TGFBR1: variants seen among roughly 807,000 people sequenced by gnomAD.
TGFBR1 encodes the protein transforming growth factor beta receptor 1, also known as TGF-beta receptor type-1.
A neutral mutation model predicts 55.1 loss-of-function variants in TGFBR1; 20 were observed. The ratio of observed to expected loss-of-function variants is 0.36; its 90% CI spans 0.26 to 0.53. TGFBR1 has a LOEUF of 0.53. TGFBR1 is among the 20% of genes least tolerant of loss of function. The probability of loss-of-function intolerance (pLI) is 0.91; values close to 1 mark genes in which losing one functional copy is unlikely to be tolerated. For synonymous variants in TGFBR1, 220 were observed against 214.8 expected (o/e 1.02, Z -0.21); for missense variants, 385 against 617.6 (o/e 0.62, Z 3.99).
At chr9:99,119,026 T>C (rs1235401633) in intron 1 of TGFBR1, among the ~76,000 whole-genome samples, 1 of 152,132 alleles carries the variant, frequency 6.6e-6, no homozygotes, top group Non-Finnish European at 1.5e-5. Context: ...ATCTCAATCC[T>C]AATTATCTCT....
At chr9:99,117,983 A>T (rs2118399179) in intron 1 of TGFBR1, among the ~76,000 whole-genome samples, 2 of 152,312 alleles carry the variant, frequency 1.3e-5, no homozygotes, top group Middle Eastern at 6.8e-3. Context: ...ATTTATAAAT[A>T]CATTTTAAAA....
intron 3 of TGFBR1, among the ~76,000 whole-genome samples, chr9:99,137,141 T>G (rs1827461523): frequency 6.6e-6 from 1 of 152,322 alleles, no homozygotes; most frequent in Non-Finnish European, 1.5e-5. Flanking sequence ...TTACTTAGCC[T>G]TGTTCTTCAA....
intron 1 of TGFBR1, among the ~76,000 whole-genome samples, chr9:99,123,722 A>G (rs565661825): frequency 6.6e-6 from 1 of 152,268 alleles, no homozygotes; most frequent in East Asian, 1.9e-4. Context: ...AATTGCCTAG[A>G]TGATATTCAA....
intron 1 of TGFBR1, among the ~76,000 whole-genome samples, chr9:99,114,050 C>G: frequency 6.6e-6 from 1 of 152,148 alleles, no homozygotes; most frequent in Admixed American, 6.5e-5. Flanking sequence ...CAAATATAGT[C>G]TAAATATCCC....
intron 2 of TGFBR1, among the ~76,000 whole-genome samples, chr9:99,130,951 T>C (rs1025934990): frequency 2.6e-5 from 4 of 152,114 alleles, no homozygotes; most frequent in African/African-American, 9.7e-5. Context: ...TTGGGACAAG[T>C]TTTAAGAAAC....
At chr9:99,110,834 A>C (rs1485131967) in intron 1 of TGFBR1, among the ~76,000 whole-genome samples, 2 of 152,242 alleles carry the variant, frequency 1.3e-5, no homozygotes, top group South Asian at 2.1e-4. Flanking sequence ...TTATGCTGTT[A>C]ATGAAAGGTG....
intron 1 of TGFBR1, among the ~76,000 whole-genome samples, chr9:99,126,963 A>G (rs1475534662): frequency 6.6e-6 from 1 of 152,202 alleles, no homozygotes; most frequent in Non-Finnish European, 1.5e-5. Flanking sequence ...CCAGCAACCA[A>G]GAAACAGCTA....
At chr9:99,129,905 A>G (rs1827167628) in intron 2 of TGFBR1, among the ~76,000 whole-genome samples, 1 of 152,158 alleles carries the variant, frequency 6.6e-6, no homozygotes, top group Admixed American at 6.5e-5. Flanking sequence ...TCTAAAAAAA[A>G]AAGATAATAA....
Position 99,105,129 on chromosome 9 carries a change from G to A in TGFBR1, c.-77G>A. On this transcript the variant is annotated 5_prime_UTR_variant, in exon 1 of 9. Transcript: ENST00000374994. ...GGCCGCCGCGGCGGCTAGGGAGGTG[G>A]GGCGAGGCGAGGTTTGCTGGGGTGA... The A allele has an allele frequency of 9.5e-7, 1 of 1,048,338 alleles. No individual in the cohort carries two copies. The highest frequency in any genetic ancestry group is 1.2e-6 in the Non-Finnish European group (1 of 863,816). The allele number at this position is 1,048,338 out of a possible 1,614,324, so 64.9% of individuals were successfully genotyped here. A position where few individuals can be genotyped will look rare whatever the true frequency, so the allele number is the denominator to read the frequency against.
chr9:99,109,694 C>G (rs1403360982), intron 1 of TGFBR1, among the ~76,000 whole-genome samples: 1 of 152,208 alleles, frequency 6.6e-6, no homozygotes, highest in Non-Finnish European at 1.5e-5. Context: ...TGCAGTTCTT[C>G]CTTGGTCATG....
chr9:99,134,838 ATATATATATATAT>A lies in TGFBR1; in HGVS notation c.574+2100_574+2112del, dbSNP rs1564157421. The stretch of plus-strand genomic sequence containing the variant: ...TATATATATATATATATATATATAT[ATATATATATATAT>A]ATTTCTAGATCCATGAGGGACCATA... On this transcript the variant is annotated intron_variant, in intron 3 of 8. Coordinates refer to ENST00000374994, the MANE Select transcript of TGFBR1 (RefSeq NM_004612.4). Among the ~76,000 whole-genome samples the A allele has an allele frequency of 5.4e-5, 6 of 111,916 alleles. No homozygotes were observed. The East Asian group carries it at 1.5e-3, about 28-fold the overall frequency. 73.4% of individuals were successfully genotyped at this position (111,916 alleles called of 152,430 possible).
intron 4 of TGFBR1, among the ~76,000 whole-genome samples, chr9:99,140,568 C>T (rs1043841615): frequency 3.9e-5 from 6 of 152,202 alleles, no homozygotes; most frequent in African/African-American, 1.4e-4. Context: ...CCTCCCCCAA[C>T]TCTTAAAACA....
chr9:99,144,060 G>A (rs767391862), intron 5 of TGFBR1, among the ~76,000 whole-genome samples: 2 of 152,146 alleles, frequency 1.3e-5, no homozygotes, highest in Non-Finnish European at 2.9e-5. Context: ...TGGACATTTG[G>A]TTTGTTTCTT....
intron 1 of TGFBR1, among the ~76,000 whole-genome samples, chr9:99,110,810 C>T (rs1345835304): frequency 6.6e-6 from 1 of 152,176 alleles, no homozygotes; most frequent in African/African-American, 2.4e-5. Context: ...ATTTTATAGA[C>T]CAGGAAACTG....
In TGFBR1 at chr9:99,147,642, A is replaced by T. The variant is rs201890684; in HGVS notation, c.1256-12A>T. ...AATTCATCAAAATTTAATTTTTTTTAAACTGATACAGGAATTCATGAAGAT... is the reference window on the plus strand; with the variant it reads ...AATTCATCAAAATTTAATTTTTTTTTAACTGATACAGGAATTCATGAAGAT... On this transcript the variant is annotated splice_polypyrimidine_tract_variant and intron_variant, in intron 7 of 8. Coordinates refer to ENST00000374994, the MANE Select transcript of TGFBR1 (RefSeq NM_004612.4). 2 of 1,611,202 alleles carry T rather than the reference A, an allele frequency of 1.2e-6. No individual in the cohort carries two copies. Among genetic ancestry groups the T allele is most frequent in the African/African-American group, 2.7e-5 (2 of 74,878 alleles).
rs201753435 is a variant in TGFBR1 at position 99,149,336 on chromosome 9, T to C, written c.*31T>C. On this transcript the variant is annotated 3_prime_UTR_variant, in exon 9 of 9. Transcript: ENST00000374994. ...CAGCTTTGCCTGAACTCTCCTTTTT[T>C]CTTCAGATCTGCTCCTGGGTTTTAA... 1.9e-5 allele frequency: 30 copies of C among 1,612,692 alleles called. No homozygotes were observed. The highest frequency in any genetic ancestry group is 3.3e-4 in the Middle Eastern group (2 of 6,074).
chr9:99,103,926 GTTTA>G (rs1486463538), upstream of TGFBR1: 4 of 152,146 alleles, frequency 2.6e-5, no homozygotes, highest in Non-Finnish European at 5.9e-5. Flanking sequence ...TGCTATCAAG[GTTTA>G]TTTAATTCTA....
intron 2 of TGFBR1, among the ~76,000 whole-genome samples, chr9:99,131,328 CCTT>C (rs1827217703): frequency 6.6e-6 from 1 of 152,086 alleles, no homozygotes. Flanking sequence ...AAGGCAACAG[CCTT>C]CTTGCCACAA....
chr9:99,116,980 C>T (rs1310075467), intron 1 of TGFBR1, among the ~76,000 whole-genome samples: 1 of 152,164 alleles, frequency 6.6e-6, no homozygotes, highest in Non-Finnish European at 1.5e-5. Context: ...AAAGCTCCTT[C>T]CTTTTGGTGG....
Sources: gnomAD v4.1 joint callset for allele counts (sites outside exome capture counted in the v4.1 genomes callset) on GRCh38, gnomAD v4.1.1 for gene constraint, MANE v1.5 for transcripts, NCBI Gene and HGNC (gene_info 2026-07-23, HGNC 2026-07-21) for gene names.